The following EPG5 variants were observed in gnomAD, a reference collection of about 807,000 sequenced individuals.
EPG5 encodes the protein ectopic P granules protein 5 homolog.
In EPG5, 159 loss-of-function variants were observed where a neutral mutation model predicts 302.7. That is an observed-to-expected ratio of 0.53 (90% CI 0.46 to 0.60). The LOEUF (loss-of-function observed/expected upper bound fraction) is 0.60, where lower values mean the gene tolerates loss of function less well. EPG5 is among the 20% of genes least tolerant of loss of function. The pLI is 0.00. For missense variants in EPG5, 2,896 were observed against 3,092.4 expected, an observed-to-expected ratio of 0.94 and a Z score of 1.51; for synonymous variants, 1,158 against 1,136.8, an observed-to-expected ratio of 1.02 and a Z score of -0.37.
intron 1 of EPG5, among the ~76,000 whole-genome samples, chr18:45,959,646 G>A (rs1329704959): frequency 6.8e-6 from 1 of 146,200 alleles, no homozygotes; most frequent in Non-Finnish European, 1.5e-5. Flanking sequence ...TGGCAACAGA[G>A]CGAGACTGTC....
intron 9 of EPG5, among the ~76,000 whole-genome samples, chr18:45,941,078 T>G (rs2050654911): frequency 6.6e-6 from 1 of 152,102 alleles, no homozygotes; most frequent in Non-Finnish European, 1.5e-5. Flanking sequence ...GAATGACATC[T>G]CAAAAAGCAA....
At chr18:45,927,632 ACG>A in intron 13 of EPG5, among the ~76,000 whole-genome samples, 1 of 151,574 alleles carries the variant, frequency 6.6e-6, no homozygotes, top group African/African-American at 2.4e-5. Flanking sequence ...ACACACACAC[ACG>A]CACCAAGGAA....
rs528215523 is a variant in EPG5, at chr18:45,957,125, A to T, written c.64-1787T>A. Among the ~76,000 whole-genome samples the T allele has an allele frequency of 2.6e-5, 4 of 152,252 alleles. No individual in the cohort carries two copies. The South Asian group carries it at 8.3e-4, about 32-fold the overall frequency. On this transcript the variant is annotated intron_variant, in intron 1 of 43. Transcript: ENST00000282041. The stretch of plus-strand genomic sequence containing the variant: ...TTATACAAGCTCTTGGTTATTTTGG[A>T]TTATTCTGCTCTGAATGTCCAGCAG...
At chr18:45,828,375 C>T in the EPG5 span, among the ~76,000 whole-genome samples, 2 of 152,168 alleles carry the variant, frequency 1.3e-5, no homozygotes, top group Non-Finnish European at 2.9e-5. Context: ...CAGGGGCTCC[C>T]CACATAGCCT....
intron 16 of EPG5, among the ~76,000 whole-genome samples, chr18:45,919,943 G>A (rs895108444): frequency 1.3e-5 from 2 of 152,184 alleles, no homozygotes; most frequent in Non-Finnish European, 2.9e-5. Flanking sequence ...AATATAAAGA[G>A]TATGTTCCTA....
At chr18:45,930,935 G>C (rs1451542457) in intron 11 of EPG5, 105 bp from the exon 12 acceptor site, 1 of 1,101,244 alleles carries the variant, frequency 9.1e-7, no homozygotes, top group Non-Finnish European at 1.2e-6. Context: ...GATACAAAAG[G>C]TCTTTCTTTG....
intron 10 of EPG5, among the ~76,000 whole-genome samples, chr18:45,938,903 C>CCT (rs2050597790): frequency 6.6e-6 from 1 of 152,126 alleles, no homozygotes; most frequent in South Asian, 2.1e-4. Context: ...GCAGCTAGCT[C>CCT]AGGAGAGGGC....
Position 45,857,952 on chromosome 18 carries a change from A to G in EPG5, c.7343T>C (p.Leu2448Pro). The G allele has an allele frequency of 6.2e-7, 1 of 1,613,456 alleles. No homozygotes were observed. The highest frequency in any genetic ancestry group is 8.5e-7 in the Non-Finnish European group (1 of 1,180,014). ...VLTESVIRILLLVQSRQNLVA... is the reference protein window; with the variant it reads ...VLTESVIRILPLVQSRQNLVA... ...GAGGTTCTGCCTGCTCTGAACCAAG[A>G]GCAGAATTCGAATGACAGATTCTGT... Residue 2448 changes from leucine (L) to proline (P), a missense_variant, in exon 42 of 44, where the codon CTC becomes CCC. Around this residue, in one of 5 missense-constraint regions of EPG5, gnomAD observed 620 missense variants for 704.2 expected, o/e 0.88. Coordinates refer to ENST00000282041, the MANE Select transcript of EPG5 (RefSeq NM_020964.3).
At chr18:45,812,968 T>C in the EPG5 span, among the ~76,000 whole-genome samples, 30 of 152,132 alleles carry the variant, frequency 2.0e-4, no homozygotes, top group East Asian at 2.5e-3. Context: ...AAACTACCAT[T>C]AGAGTGAACA....
intron 13 of EPG5, among the ~76,000 whole-genome samples, chr18:45,928,631 C>T (rs989485336): frequency 3.3e-5 from 5 of 152,236 alleles, no homozygotes; most frequent in Admixed American, 6.5e-5. Flanking sequence ...TGTTATTGAA[C>T]GAGGTGGACA....
At chr18:45,952,794 A>T (rs1322123112) in intron 2 of EPG5, 151 bp from the exon 3 acceptor site, 1 of 810,064 alleles carries the variant, frequency 1.2e-6, no homozygotes, top group Non-Finnish European at 1.9e-6. Flanking sequence ...AGAGAACATT[A>T]CCAGCAAATA....
chr18:45,816,693 C>T, the EPG5 span, among the ~76,000 whole-genome samples: 11 of 152,238 alleles, frequency 7.2e-5, no homozygotes, highest in African/African-American at 2.4e-4. Flanking sequence ...ACAGCCACTA[C>T]GGAAAACAGT....
intron 8 of EPG5, 82 bp downstream of exon 8, chr18:45,943,920 CAAA>C: frequency 1.0e-5 from 7 of 699,744 alleles, no homozygotes; most frequent in Non-Finnish European, 1.4e-5. Context: ...GACTCCATCT[CAAA>C]AAAAAAAAGA....
chr18:45,815,496 C>A, the EPG5 span, among the ~76,000 whole-genome samples: 1 of 151,814 alleles, frequency 6.6e-6, no homozygotes, highest in Non-Finnish European at 1.5e-5. Flanking sequence ...ACATCAACAG[C>A]AACCAAGCAG....
intron 36 of EPG5, among the ~76,000 whole-genome samples, chr18:45,869,061 A>AC (rs1288317731): frequency 6.6e-6 from 1 of 151,976 alleles, no homozygotes; most frequent in Non-Finnish European, 1.5e-5. Flanking sequence ...TCTCAAAAAA[A>AC]AAAAAAAAAT....
At chr18:45,926,140 T>A (rs1231484231) in intron 13 of EPG5, among the ~76,000 whole-genome samples, 1 of 152,230 alleles carries the variant, frequency 6.6e-6, no homozygotes, top group Non-Finnish European at 1.5e-5. Context: ...TCTTTTTAAA[T>A]ATTCAAATTG....
chr18:45,846,104 T>C (rs192113400), downstream of EPG5, among the ~76,000 whole-genome samples: 117 of 152,262 alleles, frequency 7.7e-4, no homozygotes, highest in African/African-American at 2.7e-3. Flanking sequence ...TGGAAGGCTC[T>C]TTAGACAAGA....
chr18:45,887,635 G>C, intron 29 of EPG5, 116 bp downstream of exon 29: 1 of 845,338 alleles, frequency 1.2e-6, no homozygotes, highest in East Asian at 3.0e-5. Flanking sequence ...CTTCTGACTT[G>C]GGTAAGACTC....
At chr18:45,894,626 A>G (rs2049428456) in intron 27 of EPG5, among the ~76,000 whole-genome samples, 1 of 152,196 alleles carries the variant, frequency 6.6e-6, no homozygotes, top group African/African-American at 2.4e-5. Flanking sequence ...AAAGACTTCA[A>G]AAGAGGTTTG....
Sources: allele counts gnomAD v4.1 joint callset (sites outside exome capture counted in the v4.1 genomes callset), GRCh38; gene constraint gnomAD v4.1.1; regional missense constraint gnomAD v4.1.1; transcripts MANE v1.5; gene names NCBI Gene and HGNC (gene_info 2026-07-23, HGNC 2026-07-21).